The following WDR27 variants were observed in gnomAD, a reference collection of about 807,000 sequenced individuals.
WDR27 encodes the protein WD repeat-containing protein 27.
A neutral mutation model predicts 114.4 loss-of-function variants in WDR27; 100 were observed. The ratio of observed to expected loss-of-function variants is 0.87; its 90% CI spans 0.74 to 1.03. WDR27 has a LOEUF of 1.03. WDR27 is among the 50% of genes least tolerant of loss of function. WDR27 has a pLI of 0.00. For missense variants in WDR27, 1,129 were observed against 1,092.9 expected (o/e 1.03, Z -0.47); for synonymous variants, 449 against 423.1 (o/e 1.06, Z -0.75).
intron 25 of WDR27, among the ~76,000 whole-genome samples, chr6:169,546,091 A>G (rs1228738003): frequency 2.0e-5 from 3 of 152,314 alleles, no homozygotes; most frequent in Non-Finnish European, 4.4e-5. Flanking sequence ...AGACACACTT[A>G]TCTCTGTGGC....
At position 169,617,723 on chromosome 6, in the gene WDR27, G is replaced by A. The variant is rs369278601; in HGVS notation, c.2224-4067C>T. Reference sequence around the variant, plus strand: ...CAAATGGACTTTCTACTTGGCCAGCGCCATCTTGCCTGCTCCTTACTGTAC... The same window carrying A: ...CAAATGGACTTTCTACTTGGCCAGCACCATCTTGCCTGCTCCTTACTGTAC... On this transcript the variant is annotated intron_variant, in intron 21 of 25. Transcript: ENST00000448612. Among the ~76,000 whole-genome samples, 4 of 152,166 alleles carry A rather than the reference G, an allele frequency of 2.6e-5. No individual in the cohort carries two copies. The East Asian group carries it at 7.8e-4, about 29-fold the overall frequency.
chr6:169,512,565 G>C (rs908698543), intron 25 of WDR27, among the ~76,000 whole-genome samples: 1 of 152,174 alleles, frequency 6.6e-6, no homozygotes, highest in African/African-American at 2.4e-5. Context: ...AAAATGTTTA[G>C]TAAGAGCTAC....
At position 169,481,493 on chromosome 6, in the gene WDR27, C is replaced by G. The variant is rs556201269; in HGVS notation, c.2646-23859G>C. The stretch of plus-strand genomic sequence containing the variant: ...GGAAACCTTGTTCTTTCACTCTTCG[C>G]AATAAATCTTGCTGCTGCTCACTCT... On this transcript the variant is annotated intron_variant, in intron 25 of 25. Transcript: ENST00000448612. 3.3e-5 allele frequency among the ~76,000 whole-genome samples: 5 copies of G among 152,308 alleles called. No homozygotes were observed. The East Asian group carries it at 9.7e-4, about 29-fold the overall frequency.
rs7765295 is a variant in WDR27, at chr6:169,551,598, A to T, written c.2645+20821T>A. Among the ~76,000 whole-genome samples the T allele has an allele frequency of 7.3e-3, 1,103 of 152,034 alleles. 24 individuals carry two copies. Among genetic ancestry groups the T allele is most frequent in the African/African-American group, 0.026 (1,069 of 41,452 alleles). On this transcript the variant is annotated intron_variant, in intron 25 of 25. Coordinates refer to ENST00000448612, the MANE Select transcript of WDR27 (RefSeq NM_182552.5). ...AAAAATACAAAAAAATTAGCTGGGC[A>T]TGGTGGTGGGTGCCTGTAATCCCAG...
At chr6:169,696,591 C>A (rs1027831549) in intron 1 of WDR27, among the ~76,000 whole-genome samples, 1 of 152,204 alleles carries the variant, frequency 6.6e-6, no homozygotes, top group Admixed American at 6.5e-5. Context: ...TCTTCCATGC[C>A]TGAAGCACAG....
At chr6:169,600,227 A>G (rs912936416) in intron 23 of WDR27, among the ~76,000 whole-genome samples, 1 of 151,796 alleles carries the variant, frequency 6.6e-6, no homozygotes. Context: ...CCTCCAGCAA[A>G]CTCCAACAGA....
chr6:169,647,573 C>T (rs1269812074), intron 16 of WDR27, 200 bp downstream of exon 16: 2 of 648,996 alleles, frequency 3.1e-6, no homozygotes, highest in African/African-American at 3.6e-5. Context: ...GGTGAGATGC[C>T]TGGAGATCAC....
At chr6:169,457,773 A>G (rs1470753045) in intron 25 of WDR27, 139 bp from the exon 26 acceptor site, 1 of 611,272 alleles carries the variant, frequency 1.6e-6, no homozygotes, top group Non-Finnish European at 2.9e-6. Context: ...TTAACATAGT[A>G]GAATCTATAT....
At position 169,586,847 on chromosome 6, in the gene WDR27, C is replaced by CAAAAAAAAAAAAAAAAAAAA. The variant is rs3029697; in HGVS notation, c.2425-3933_2425-3914dup. On this transcript the variant is annotated intron_variant, in intron 23 of 25. Coordinates refer to ENST00000448612, the MANE Select transcript of WDR27 (RefSeq NM_182552.5). The stretch of plus-strand genomic sequence containing the variant: ...CTGGCGACACAGCTAGACTCTGTCT[C>CAAAAAAAAAAAAAAAAAAAA]AAAAAAAAAAAAAAAAAAAAAAAAA... Among the ~76,000 whole-genome samples, 9 of 32,054 alleles carry CAAAAAAAAAAAAAAAAAAAA rather than the reference C, an allele frequency of 2.8e-4. 3 individuals are homozygous for CAAAAAAAAAAAAAAAAAAAA. The highest frequency in any genetic ancestry group is 3.9e-4 in the Non-Finnish European group (7 of 17,964). 21.0% of individuals were successfully genotyped at this position (32,054 alleles called of 152,430 possible).
Position 169,689,031 on chromosome 6 carries a change from TATAAG to T in WDR27, c.-7-24_-7-20del. The T allele has an allele frequency of 5.7e-6, 9 of 1,574,288 alleles. No homozygotes were observed. Among genetic ancestry groups the T allele is most frequent in the South Asian group, 1.2e-5 (1 of 85,998 alleles). On this transcript the variant is annotated intron_variant, in intron 1 of 25. Coordinates refer to ENST00000448612, the MANE Select transcript of WDR27 (RefSeq NM_182552.5). ...CTTCAATCTGAAAACAAAAAGTACA[TATAAG>T]ATGACTATAGGTATCATATTTAATA... is the stretch of plus-strand genomic sequence containing the variant.
chr6:169,479,778 T>C (rs1287894965), intron 25 of WDR27, among the ~76,000 whole-genome samples: 1 of 152,254 alleles, frequency 6.6e-6, no homozygotes, highest in Non-Finnish European at 1.5e-5. Flanking sequence ...ACTTGTGTTA[T>C]GGGAGTTTGT....
chr6:169,610,750 G>A (rs1810338787), intron 22 of WDR27, among the ~76,000 whole-genome samples: 2 of 152,194 alleles, frequency 1.3e-5, no homozygotes, highest in African/African-American at 2.4e-5. Flanking sequence ...GCAGCAGCTT[G>A]GGTGGAGCTG....
At chr6:169,697,010 G>A (rs1343991207) in intron 1 of WDR27, among the ~76,000 whole-genome samples, 1 of 150,770 alleles carries the variant, frequency 6.6e-6, no homozygotes, top group Non-Finnish European at 1.5e-5. Flanking sequence ...AGTGTGGGCG[G>A]CAAGCCACCC....
intron 2 of WDR27, among the ~76,000 whole-genome samples, chr6:169,685,264 C>A (rs78177327): frequency 1.5e-5 from 2 of 137,008 alleles, no homozygotes; most frequent in African/African-American, 3.0e-5. Flanking sequence ...CCATGAAAAT[C>A]AAAGAAAAAA....
chr6:169,690,419 G>A (rs1192032269), intron 1 of WDR27, among the ~76,000 whole-genome samples: 2 of 152,116 alleles, frequency 1.3e-5, no homozygotes, highest in South Asian at 2.1e-4. Flanking sequence ...AACACAGCAG[G>A]GCTTTTACTG....
intron 25 of WDR27, among the ~76,000 whole-genome samples, chr6:169,467,821 C>T (rs1785802814): frequency 6.6e-6 from 1 of 152,256 alleles, no homozygotes; most frequent in African/African-American, 2.4e-5. Flanking sequence ...TGAATTTCTC[C>T]TCAGAAAATA....
rs948023385 is a variant in WDR27 at position 169,625,855 on chromosome 6, T to A, written c.2223+7092A>T. Reference sequence around the variant, plus strand: ...CCGCCTCTTCTCAGCAGATAGAGCATGTGTGTCACATGGGAGCTGGCCCTG... The same window carrying A: ...CCGCCTCTTCTCAGCAGATAGAGCAAGTGTGTCACATGGGAGCTGGCCCTG... On this transcript the variant is annotated intron_variant, in intron 21 of 25. Coordinates refer to ENST00000448612, the MANE Select transcript of WDR27 (RefSeq NM_182552.5). Among the ~76,000 whole-genome samples, 5 of 152,162 alleles carry A rather than the reference T, an allele frequency of 3.3e-5. No homozygotes were observed. In the South Asian group the frequency reaches 8.3e-4, roughly 25 times the overall value.
At chr6:169,698,089 G>A (rs1234307748) in intron 1 of WDR27, among the ~76,000 whole-genome samples, 1 of 152,188 alleles carries the variant, frequency 6.6e-6, no homozygotes, top group Non-Finnish European at 1.5e-5. Context: ...GCCAAGGAGG[G>A]AAGGAAGCCT....
intron 25 of WDR27, among the ~76,000 whole-genome samples, chr6:169,527,968 G>A (rs560741118): frequency 6.6e-6 from 1 of 152,132 alleles, no homozygotes; most frequent in African/African-American, 2.4e-5. Flanking sequence ...GACAAATTTG[G>A]CATTTCTAAT....
Sources: allele counts gnomAD v4.1 joint callset (sites outside exome capture counted in the v4.1 genomes callset), GRCh38; gene constraint gnomAD v4.1.1; transcripts MANE v1.5; gene names NCBI Gene and HGNC (gene_info 2026-07-23, HGNC 2026-07-21).